KIAA0825: variants seen among roughly 807,000 people sequenced by gnomAD.
The protein encoded by KIAA0825 is KIAA0825, also known as uncharacterized protein KIAA0825.
In KIAA0825, 119 loss-of-function variants were observed where a neutral mutation model predicts 147.6. The observed-to-expected ratio is 0.81, with a 90% CI of 0.69 to 0.94. The LOEUF (loss-of-function observed/expected upper bound fraction) is 0.94. KIAA0825 is among the 40% of genes least tolerant of loss of function. KIAA0825 has a pLI of 0.00. For synonymous variants in KIAA0825, 470 were observed against 518.1 expected (o/e 0.91, Z 1.26); for missense variants, 1,381 against 1,472.7 (o/e 0.94, Z 1.02).
intron 18 of KIAA0825, among the ~76,000 whole-genome samples, chr5:94,387,649 C>T (rs539965370): frequency 5.3e-5 from 8 of 151,490 alleles, no homozygotes; most frequent in South Asian, 4.2e-4. Context: ...AAGCTGAGAT[C>T]GCACCACTGC....
At chr5:94,471,815 A>G (rs2150991227) in intron 8 of KIAA0825, 84 bp from the exon 9 acceptor site, 1 of 1,236,854 alleles carries the variant, frequency 8.1e-7, no homozygotes, top group South Asian at 1.5e-5. Context: ...AAATTCCTAA[A>G]TAATGAATTT....
At chr5:94,161,394 C>T (rs1395261744) in intron 20 of KIAA0825, among the ~76,000 whole-genome samples, 1 of 152,164 alleles carries the variant, frequency 6.6e-6, no homozygotes, top group Non-Finnish European at 1.5e-5. Context: ...ACATGAAATG[C>T]CTTTCCACCT....
At chr5:94,336,736 C>T (rs1781846133) in intron 20 of KIAA0825, among the ~76,000 whole-genome samples, 1 of 152,006 alleles carries the variant, frequency 6.6e-6, no homozygotes, top group African/African-American at 2.4e-5. Context: ...GTTCATGTGT[C>T]TTTATAGGAG....
intron 20 of KIAA0825, among the ~76,000 whole-genome samples, chr5:94,187,423 T>TA (rs1554239076): frequency 8.5e-5 from 12 of 141,674 alleles, no homozygotes; most frequent in South Asian, 2.3e-4. Flanking sequence ...TTTTTTTTTT[T>TA]AATTTTTTTT....
intron 5 of KIAA0825, among the ~76,000 whole-genome samples, chr5:94,490,617 C>T (rs892675886): frequency 1.3e-5 from 2 of 151,424 alleles, no homozygotes; most frequent in African/African-American, 4.9e-5. Flanking sequence ...AAGGTGCGCA[C>T]AGATATTTAC....
chr5:94,512,077 A>G (rs1766566955), intron 5 of KIAA0825, among the ~76,000 whole-genome samples: 1 of 152,286 alleles, frequency 6.6e-6, no homozygotes, highest in Non-Finnish European at 1.5e-5. Flanking sequence ...TCATACATAC[A>G]TAATTACAAT....
At chr5:94,458,528 C>A (rs187974478) in intron 12 of KIAA0825, among the ~76,000 whole-genome samples, 51 of 152,248 alleles carry the variant, frequency 3.3e-4, no homozygotes, top group African/African-American at 1.1e-3. Flanking sequence ...ATTCTGGGAG[C>A]AGCCCTCTTT....
chr5:94,515,629 T>C (rs1767102556), intron 5 of KIAA0825, among the ~76,000 whole-genome samples: 1 of 151,804 alleles, frequency 6.6e-6, no homozygotes, highest in Non-Finnish European at 1.5e-5. Context: ...CCGTCTCTAC[T>C]AAAAATACAA....
At chr5:94,352,983 C>T (rs1783859039) in intron 20 of KIAA0825, among the ~76,000 whole-genome samples, 1 of 152,066 alleles carries the variant, frequency 6.6e-6, no homozygotes, top group African/African-American at 2.4e-5. Flanking sequence ...GTGCATACTG[C>T]TTGGGTGATG....
chr5:94,532,564 C>T (rs933044883), intron 3 of KIAA0825, among the ~76,000 whole-genome samples: 6 of 151,440 alleles, frequency 4.0e-5, no homozygotes, highest in Admixed American at 6.6e-5. Context: ...CCTTCCTTTC[C>T]AGACAGCCCT....
At position 94,364,948 on chromosome 5, in the gene KIAA0825, C is replaced by T. The variant is rs372451631; in HGVS notation, c.3710+19420G>A. On this transcript the variant is annotated intron_variant, in intron 20 of 20. Coordinates refer to ENST00000682413, the MANE Select transcript of KIAA0825 (RefSeq NM_001145678.3). The stretch of plus-strand genomic sequence containing the variant: ...GGAAAGGGGCTACCTGGGGACTAGG[C>T]GTGTTCAAAATGGCTGCTCCATCTT... Among the ~76,000 whole-genome samples, 7 of 152,112 alleles carry T rather than the reference C, an allele frequency of 4.6e-5. No homozygotes were observed. The South Asian group carries it at 1.2e-3, about 27-fold the overall frequency.
intron 2 of KIAA0825, among the ~76,000 whole-genome samples, chr5:94,574,238 G>A (rs189123637): frequency 1.1e-4 from 17 of 152,102 alleles, no homozygotes; most frequent in Admixed American, 8.5e-4. Context: ...CTTGAGGAAC[G>A]ATCCACAACT....
chr5:94,371,811 A>T (rs1048027134), intron 20 of KIAA0825, among the ~76,000 whole-genome samples: 3 of 152,162 alleles, frequency 2.0e-5, no homozygotes, highest in Non-Finnish European at 4.4e-5. Flanking sequence ...ACAGTCCATT[A>T]AAGTCTTAAT....
intron 20 of KIAA0825, among the ~76,000 whole-genome samples, chr5:94,257,545 A>C (rs1054170349): frequency 2.6e-5 from 4 of 152,018 alleles, no homozygotes; most frequent in Admixed American, 2.6e-4. Context: ...AATTGCCCTA[A>C]ATTTCTTAAA....
intron 20 of KIAA0825, among the ~76,000 whole-genome samples, chr5:94,204,835 A>G (rs1226512519): frequency 6.6e-6 from 1 of 152,228 alleles, no homozygotes; most frequent in Non-Finnish European, 1.5e-5. Flanking sequence ...TATCTGGTGA[A>G]CATCTTTCCA....
chr5:94,470,869 G>C (rs187407893), intron 9 of KIAA0825, among the ~76,000 whole-genome samples: 1 of 152,296 alleles, frequency 6.6e-6, no homozygotes. Flanking sequence ...GTTATATCTA[G>C]ACAGTGTAAG....
intron 20 of KIAA0825, among the ~76,000 whole-genome samples, chr5:94,238,911 A>C (rs1344989729): frequency 6.6e-6 from 1 of 152,216 alleles, no homozygotes; most frequent in African/African-American, 2.4e-5. Flanking sequence ...AGAATGAAAT[A>C]TCTAAGAAAC....
intron 17 of KIAA0825, among the ~76,000 whole-genome samples, chr5:94,393,849 C>CTTT (rs34735109): frequency 7.2e-6 from 1 of 139,086 alleles, no homozygotes. Context: ...AAGAAACACT[C>CTTT]TTTTTTTTTT....
intron 1 of KIAA0825, among the ~76,000 whole-genome samples, chr5:94,611,294 ATCT>A (rs1329003173): frequency 1.6e-4 from 24 of 152,158 alleles, no homozygotes; most frequent in Non-Finnish European, 2.9e-4. Context: ...CGCCTCTTTA[ATCT>A]TCATTTCCTC....
Sources: gnomAD v4.1 joint callset for allele counts (sites outside exome capture counted in the v4.1 genomes callset) on GRCh38, gnomAD v4.1.1 for gene constraint, MANE v1.5 for transcripts, NCBI Gene and HGNC (gene_info 2026-07-23, HGNC 2026-07-21) for gene names.